The following PROSER2 variants were observed in gnomAD, a reference collection of about 807,000 sequenced individuals.
The protein encoded by PROSER2 is proline and serine rich 2.
In PROSER2, 18 loss-of-function variants were observed where a neutral mutation model predicts 14.6. That is an observed-to-expected ratio of 1.23 (90% CI 0.85 to 1.83). PROSER2 has a LOEUF of 1.83. PROSER2 is among the 40% of genes most tolerant of loss of function. The pLI, the probability that PROSER2 is intolerant of heterozygous loss-of-function variation, is 0.00. For synonymous variants in PROSER2, 367 were observed against 286.4 expected (o/e 1.28, Z -2.84); for missense variants, 823 against 629.8 (o/e 1.31, Z -3.28).
At chr10:11,867,684 C>T (rs1431096531) in intron 3 of PROSER2, among the ~76,000 whole-genome samples, 3 of 152,184 alleles carry the variant, frequency 2.0e-5, no homozygotes, top group East Asian at 1.9e-4. Context: ...CTCGGTAATG[C>T]GAGCCATGGG....
At position 11,867,306 on chromosome 10, in the gene PROSER2, A is replaced by C. The variant is rs914390550; in HGVS notation, c.391+523A>C. Reference sequence around the variant, plus strand: ...AAAAAAAGAATGAACTGGGCACATAAGCAGAGTTTACATTTTTTTAAATAC... The same window carrying C: ...AAAAAAAGAATGAACTGGGCACATACGCAGAGTTTACATTTTTTTAAATAC... On this transcript the variant is annotated intron_variant, in intron 3 of 3. Transcript: ENST00000277570. Among the ~76,000 whole-genome samples the C allele has an allele frequency of 4.6e-5, 7 of 151,144 alleles. No individual in the cohort carries two copies. The South Asian group carries it at 1.5e-3, about 32-fold the overall frequency.
rs1229065179 is a variant in PROSER2, at chr10:11,870,234, C to T, written c.1136C>T (p.Ala379Val). The change falls in exon 4 of 4, where the codon GCC becomes GTC. Residue 379 changes from alanine to valine, a missense_variant. By Grantham distance (64) the Ala-to-Val change is moderately conservative (BLOSUM62 0). Transcript: ENST00000277570. ...RPGPALPSTR[A>V]RQSFPGPRQP... Reference sequence around the variant, plus strand: ...GGCCCGGCCCTGCCCAGCACGCGGGCCCGTCAGAGCTTCCCCGGGCCCCGG... The same window carrying T: ...GGCCCGGCCCTGCCCAGCACGCGGGTCCGTCAGAGCTTCCCCGGGCCCCGG... 6.7e-7 allele frequency: 1 copy of T among 1,488,518 alleles called. No individual in the cohort carries two copies. Among genetic ancestry groups the T allele is most frequent in the East Asian group, 2.8e-5 (1 of 35,300 alleles). The allele number at this position is 1,488,518 out of a possible 1,614,324, so 92.2% of individuals were successfully genotyped here. A position where few individuals can be genotyped will look rare whatever the true frequency, so the allele number is the denominator to read the frequency against.
chr10:11,844,372 T>C (rs1347680288), intron 1 of PROSER2, among the ~76,000 whole-genome samples: 3 of 152,186 alleles, frequency 2.0e-5, no homozygotes, highest in Admixed American at 6.5e-5. Flanking sequence ...GTAATTATAT[T>C]TCTAAAAACT....
rs1353298008 is a variant in PROSER2, at chr10:11,872,228, T to G, written c.*1822T>G. 1 of 152,268 alleles carries G rather than the reference T, an allele frequency of 6.6e-6. No homozygotes were observed. The highest frequency in any genetic ancestry group is 2.4e-5 in the African/African-American group (1 of 41,480). The allele number at this position is 152,268 out of a possible 1,614,324, so 9.4% of individuals were successfully genotyped here. ...GAACTGGACTGCATATTAGTTTATT[T>G]GTTGCCATAATCACATTTTTGAAAA... is the stretch of plus-strand genomic sequence containing the variant. On this transcript the variant is annotated 3_prime_UTR_variant, in exon 4 of 4. Coordinates refer to ENST00000277570, the MANE Select transcript of PROSER2 (RefSeq NM_153256.4).
In PROSER2 at chr10:11,856,629, GA is replaced by G. The variant is rs1266610826; in HGVS notation, c.138+4416del. ...GAGTTTTTAGGATTTAATATTTGAT[GA>G]ACTGTCTCGAATCCCCCTCTCCCTA... On this transcript the variant is annotated intron_variant, in intron 2 of 3. Transcript: ENST00000277570. The surrounding 1 kb of genome is among the most constrained non-coding windows in gnomAD (Gnocchi z 5.3). Among the ~76,000 whole-genome samples the G allele has an allele frequency of 6.6e-6, 1 of 152,186 alleles. No individual in the cohort carries two copies.
chr10:11,863,371 G>C (rs946758740), intron 2 of PROSER2, among the ~76,000 whole-genome samples: 1 of 151,980 alleles, frequency 6.6e-6, no homozygotes, highest in African/African-American at 2.4e-5. Context: ...AATCACTTCT[G>C]ATAAGACAAA....
rs114846286 is a variant in PROSER2 at position 11,826,222 on chromosome 10, C to T, written c.-82+2752C>T. 4.9e-3 allele frequency among the ~76,000 whole-genome samples: 741 copies of T among 152,250 alleles called. 9 individuals are homozygous for T. Among genetic ancestry groups the T allele is most frequent in the African/African-American group, 0.017 (695 of 41,552 alleles). ...GTATCGTTGCTTCCCTCCTTTTTAT[C>T]GCCGAATAATGTTCCATTGTGTGGA... On this transcript the variant is annotated intron_variant, in intron 1 of 3. Transcript: ENST00000277570.
Position 11,866,409 on chromosome 10 carries a change from T to C in PROSER2, c.139-122T>C. 8.5e-7 allele frequency: 1 copy of C among 1,179,638 alleles called. No homozygotes were observed. Among genetic ancestry groups the C allele is most frequent in the Non-Finnish European group, 1.2e-6 (1 of 823,982 alleles). 73.1% of individuals were successfully genotyped at this position (1,179,638 alleles called of 1,614,324 possible). ...ACGCAGGCACTGTGTGGCAGGGTACTCTCGGGACACAGTGAGTTCCGCCCT... is the reference window on the plus strand; with the variant it reads ...ACGCAGGCACTGTGTGGCAGGGTACCCTCGGGACACAGTGAGTTCCGCCCT... On this transcript the variant is annotated intron_variant, in intron 2 of 3. Coordinates refer to ENST00000277570, the MANE Select transcript of PROSER2 (RefSeq NM_153256.4). This position sits in a 1 kb window ranked among gnomAD's most constrained non-coding sequence, Gnocchi z 6.0.
intron 1 of PROSER2, among the ~76,000 whole-genome samples, chr10:11,826,159 A>G (rs536734403): frequency 3.7e-4 from 56 of 152,278 alleles, no homozygotes; most frequent in African/African-American, 1.2e-3. Flanking sequence ...TCTTTGACTT[A>G]GCACAATGTT....
chr10:11,869,314 AC>A lies in PROSER2; in HGVS notation c.392-174del. 1 of 618,586 alleles carries A rather than the reference AC, an allele frequency of 1.6e-6. No individual in the cohort carries two copies. Among genetic ancestry groups the A allele is most frequent in the Non-Finnish European group, 2.9e-6 (1 of 344,734 alleles). 38.3% of individuals were successfully genotyped at this position (618,586 alleles called of 1,614,324 possible). On this transcript the variant is annotated intron_variant, in intron 3 of 3. Transcript: ENST00000277570. This position sits in a 1 kb window ranked among gnomAD's most constrained non-coding sequence, Gnocchi z 4.4. The stretch of plus-strand genomic sequence containing the variant: ...CAGCGTGAGGTCATGAGCATGACAT[AC>A]CACCTTCTCCTTCCCTAGTCCCAGG...
intron 3 of PROSER2, among the ~76,000 whole-genome samples, chr10:11,868,162 T>C (rs1399031507): frequency 6.6e-6 from 1 of 152,230 alleles, no homozygotes; most frequent in Non-Finnish European, 1.5e-5. Flanking sequence ...CCAAAAGTAA[T>C]TTGAACCAGC....
chr10:11,859,640 C>T (rs1469527475), intron 2 of PROSER2, among the ~76,000 whole-genome samples: 1 of 152,204 alleles, frequency 6.6e-6, no homozygotes, highest in African/African-American at 2.4e-5. Flanking sequence ...CCCAGCCCTG[C>T]AGGAGCCTCC....
intron 2 of PROSER2, among the ~76,000 whole-genome samples, chr10:11,864,781 A>AT (rs1263558023): frequency 1.6e-4 from 24 of 151,894 alleles, no homozygotes; most frequent in African/African-American, 5.3e-4. Context: ...TAGAGACAGG[A>AT]TTTTACCATG....
intron 2 of PROSER2, among the ~76,000 whole-genome samples, chr10:11,852,588 T>C (rs111253402): frequency 0.21 from 31,527 of 151,726 alleles, 3,399 homozygotes; most frequent in Middle Eastern, 0.28. Flanking sequence ...GGCGCGATCT[T>C]GGCTCACTGC....
intron 2 of PROSER2, among the ~76,000 whole-genome samples, chr10:11,861,400 A>G (rs7097738): frequency 0.96 from 146,427 of 152,186 alleles, 70,659 homozygotes; most frequent in East Asian, 1. Flanking sequence ...TGAAGCCCTC[A>G]TTGGGTGGTA....
At chr10:11,868,558 C>T (rs1834398981) in intron 3 of PROSER2, among the ~76,000 whole-genome samples, 1 of 152,192 alleles carries the variant, frequency 6.6e-6, no homozygotes, top group Non-Finnish European at 1.5e-5. Context: ...TGTGAGCCAC[C>T]ACACCTGGCA....
rs1834441257 is a variant in PROSER2, at chr10:11,870,000, A to G, written c.902A>G (p.Asp301Gly). The change falls in exon 4 of 4, where the codon GAC becomes GGC. Residue 301 changes from aspartate (D) to glycine (G), a missense_variant. Asp to Gly is a moderately conservative substitution (Grantham distance 94). Transcript: ENST00000277570. This position sits in a 1 kb window ranked among gnomAD's most constrained non-coding sequence, Gnocchi z 4.4. Reference protein sequence around the residue: ...GHAGAFPAAGDAGEGAPGGGS... With the variant: ...GHAGAFPAAGGAGEGAPGGGS... The stretch of plus-strand genomic sequence containing the variant: ...GCCGGCGCCTTCCCCGCCGCGGGGG[A>G]CGCCGGCGAGGGGGCCCCAGGGGGC... The G allele has an allele frequency of 1.6e-6, 2 of 1,254,488 alleles. No individual in the cohort carries two copies. Among genetic ancestry groups the G allele is most frequent in the Admixed American group, 4.3e-5 (1 of 23,000 alleles). 77.7% of individuals were successfully genotyped at this position (1,254,488 alleles called of 1,614,324 possible).
chr10:11,853,285 T>C (rs1834063387), intron 2 of PROSER2, among the ~76,000 whole-genome samples: 1 of 151,990 alleles, frequency 6.6e-6, no homozygotes, highest in Non-Finnish European at 1.5e-5. Flanking sequence ...TATGGTAATA[T>C]GTGATAAATA....
chr10:11,866,468 T>C lies in PROSER2; in HGVS notation c.139-63T>C. On this transcript the variant is annotated intron_variant, in intron 2 of 3. Coordinates refer to ENST00000277570, the MANE Select transcript of PROSER2 (RefSeq NM_153256.4). The surrounding 1 kb of genome is among the most constrained non-coding windows in gnomAD (Gnocchi z 6.0). ...GACCAATCCCAACTTTGCTTCAGCT[T>C]TTGTCTCTTTAGTGAAGCCAGTGTT... 1 of 1,586,412 alleles carries C rather than the reference T, an allele frequency of 6.3e-7. No homozygotes were observed. The highest frequency in any genetic ancestry group is 8.6e-7 in the Non-Finnish European group (1 of 1,164,572).
Sources: gnomAD v4.1 joint callset for allele counts (sites outside exome capture counted in the v4.1 genomes callset) on GRCh38, gnomAD v4.1.1 for gene constraint, Gnocchi (gnomAD v3.1) non-coding constraint, MANE v1.5 for transcripts, NCBI Gene and HGNC (gene_info 2026-07-23, HGNC 2026-07-21) for gene names.